AMZ1: variants seen among roughly 807,000 people sequenced by gnomAD.
AMZ1 encodes the protein archaemetzincin-1.
A neutral mutation model predicts 29.9 loss-of-function variants in AMZ1; 39 were observed. The observed-to-expected ratio is 1.30, with a 90% CI of 1.01 to 1.70. AMZ1 has a LOEUF of 1.70. Among genes scored for constraint, AMZ1 ranks in the 40% most tolerant of loss-of-function variants. The probability of loss-of-function intolerance (pLI) is 0.00; values close to 1 mark genes in which losing one functional copy is unlikely to be tolerated. For missense variants in AMZ1, 1,041 were observed against 680.6 expected (o/e 1.53, Z -5.89); for synonymous variants, 458 against 304.0 (o/e 1.51, Z -5.27).
At chr7:2,712,299 A>G (rs1360235413) in intron 6 of AMZ1, 31 bp from the exon 7 acceptor site, 2 of 1,526,588 alleles carry the variant, frequency 1.3e-6, no homozygotes, top group Admixed American at 4.1e-5. Flanking sequence ...GCTGGCACGG[A>G]GCAAACTCAG....
chr7:2,698,312 C>T (rs1007685151), intron 1 of AMZ1, among the ~76,000 whole-genome samples: 4 of 152,078 alleles, frequency 2.6e-5, no homozygotes, highest in Non-Finnish European at 4.4e-5. Flanking sequence ...CAGAGGCAGT[C>T]GGATCACTTG....
At chr7:2,734,215 A>C (rs1790043842) in intron 4 of AMZ1, among the ~76,000 whole-genome samples, 1 of 152,228 alleles carries the variant, frequency 6.6e-6, no homozygotes, top group Admixed American at 6.5e-5. Flanking sequence ...TGCGAGGCAC[A>C]CACGGGGCAC....
intron 4 of AMZ1, among the ~76,000 whole-genome samples, chr7:2,742,625 A>C (rs1033002808): frequency 3.3e-5 from 5 of 152,176 alleles, no homozygotes; most frequent in Non-Finnish European, 7.3e-5. Flanking sequence ...TATTAGTTCT[A>C]AAGTCAGCTG....
rs1487676224 is a variant in AMZ1 at position 2,717,513 on chromosome 7, TCTAG to T, written c.*4638_*4641del. Among the ~76,000 whole-genome samples, 2 of 152,144 alleles carry T rather than the reference TCTAG, an allele frequency of 1.3e-5. No individual in the cohort carries two copies. The highest frequency in any genetic ancestry group is 4.8e-5 in the African/African-American group (2 of 41,434). On this transcript the variant is annotated 3_prime_UTR_variant, in exon 7 of 7. Transcript: ENST00000683327. ...CACGCAGGCTGCTCCAGAGCTGAAATCTAGCTGTGATCCCTGTGGGGCAACTGCA... is the reference window on the plus strand; with the variant it reads ...CACGCAGGCTGCTCCAGAGCTGAAATCTGTGATCCCTGTGGGGCAACTGCA...
At chr7:2,763,054 G>A (rs984211809), upstream of AMZ1, 9 of 1,246,376 alleles carry the variant, frequency 7.2e-6, no homozygotes, top group Admixed American at 3.4e-4. Context: ...GTTCCTCCAG[G>A]ACGCAGACCG....
chr7:2,680,218 G>A (rs1274036596), intron 1 of AMZ1, among the ~76,000 whole-genome samples: 1 of 152,160 alleles, frequency 6.6e-6, no homozygotes, highest in Non-Finnish European at 1.5e-5. Context: ...TCCTGGGATG[G>A]GAGGCGCTGA....
chr7:2,706,955 G>T (rs1788388939), intron 3 of AMZ1, among the ~76,000 whole-genome samples: 1 of 152,144 alleles, frequency 6.6e-6, no homozygotes, highest in Non-Finnish European at 1.5e-5. Flanking sequence ...CTCCAGCCTG[G>T]GTGACAGAAT....
chr7:2,749,100 T>C (rs991989131), intron 4 of AMZ1, among the ~76,000 whole-genome samples: 3 of 152,212 alleles, frequency 2.0e-5, no homozygotes, highest in Admixed American at 6.5e-5. Context: ...GAAGTCAGTG[T>C]GGCGATTCCT....
rs1408562556 is a variant in AMZ1, at chr7:2,718,924, G to T, written c.*6046G>T. ...CTTTTCTCAGGGTCGCTTAACACAG[G>T]CAGGGGTACAGGAGAGCTCCGGCCA... On this transcript the variant is annotated 3_prime_UTR_variant, in exon 7 of 7. Coordinates refer to ENST00000683327, the MANE Select transcript of AMZ1 (RefSeq NM_001384743.1). 6.6e-6 allele frequency among the ~76,000 whole-genome samples: 1 copy of T among 152,188 alleles called. No individual in the cohort carries two copies. The highest frequency in any genetic ancestry group is 6.5e-5 in the Admixed American group (1 of 15,282).
intron 4 of AMZ1, among the ~76,000 whole-genome samples, chr7:2,745,425 CAT>C (rs1332850318): frequency 2.6e-5 from 4 of 152,148 alleles, no homozygotes; most frequent in African/African-American, 9.7e-5. Context: ...AACTAAGCTT[CAT>C]AAGTGAAGGA....
downstream of AMZ1, among the ~76,000 whole-genome samples, chr7:2,723,313 C>T (rs184433102): frequency 1.2e-4 from 19 of 152,298 alleles, no homozygotes; most frequent in South Asian, 4.1e-4. Context: ...AACATGCACC[C>T]GGGTGCATCC....
At chr7:2,683,594 C>CG (rs1786964168), upstream of AMZ1, among the ~76,000 whole-genome samples, 2 of 152,060 alleles carry the variant, frequency 1.3e-5, no homozygotes, top group South Asian at 4.1e-4. Context: ...CCTGCCACCA[C>CG]GCCTGGCTAA....
rs1463004627 is a variant in AMZ1 at position 2,712,856 on chromosome 7, C to T, written c.1475C>T (p.Pro492Leu). Reference protein sequence around the residue: ...KLARAESAPRPWDGEES With the variant: ...KLARAESAPRLWDGEES The stretch of plus-strand genomic sequence containing the variant: ...GCCAGAGCAGAGTCGGCCCCCCGTC[C>T]CTGGGATGGGGAAGAGAGTTAGTAC... Residue 492 changes from proline (P) to leucine (L), a missense_variant, in exon 7 of 7, where the codon CCC (proline) becomes CTC (leucine). Coordinates refer to ENST00000683327, the MANE Select transcript of AMZ1 (RefSeq NM_001384743.1). 6.6e-7 allele frequency: 1 copy of T among 1,523,468 alleles called. No homozygotes were observed. The highest frequency in any genetic ancestry group is 8.8e-7 in the Non-Finnish European group (1 of 1,135,578). 94.4% of individuals were successfully genotyped at this position (1,523,468 alleles called of 1,614,324 possible). A position where few individuals can be genotyped will look rare whatever the true frequency, so the allele number is the denominator to read the frequency against.
In AMZ1 at chr7:2,718,078, G is replaced by C. The variant is rs1001898614; in HGVS notation, c.*5200G>C. Among the ~76,000 whole-genome samples the C allele has an allele frequency of 2.6e-5, 4 of 152,164 alleles. No homozygotes were observed. The highest frequency in any genetic ancestry group is 9.7e-5 in the African/African-American group (4 of 41,422). ...CCTGCCCTCTCTGAGAGGGGCCCGA[G>C]CTCTCGCAAGATTAACCAGAGACGA... is the stretch of plus-strand genomic sequence containing the variant. On this transcript the variant is annotated 3_prime_UTR_variant, in exon 7 of 7. Coordinates refer to ENST00000683327, the MANE Select transcript of AMZ1 (RefSeq NM_001384743.1).
At chr7:2,756,962 T>G (rs1791327413) in intron 4 of AMZ1, among the ~76,000 whole-genome samples, 1 of 152,034 alleles carries the variant, frequency 6.6e-6, no homozygotes, top group African/African-American at 2.4e-5. Context: ...TAGTTCCAGC[T>G]ACTCAGGAGG....
intron 1 of AMZ1, among the ~76,000 whole-genome samples, chr7:2,691,505 G>C (rs1787383970): frequency 6.7e-6 from 1 of 148,754 alleles, no homozygotes; most frequent in Admixed American, 6.6e-5. Flanking sequence ...CACTTCGGGA[G>C]GCCGAGGCGG....
Position 2,712,808 on chromosome 7 carries a change from G to A in AMZ1, c.1427G>A (p.Arg476Lys), listed in dbSNP as rs777014492. The A allele has an allele frequency of 1.9e-6, 3 of 1,542,022 alleles. No individual in the cohort carries two copies. The highest frequency in any genetic ancestry group is 2.6e-6 in the Non-Finnish European group (3 of 1,142,916). The change falls in exon 7 of 7, where the codon AGG becomes AAG. Residue 476 changes from arginine to lysine, a missense_variant. Coordinates refer to ENST00000683327, the MANE Select transcript of AMZ1 (RefSeq NM_001384743.1). The stretch of plus-strand genomic sequence containing the variant: ...GGGGACAAGTTCTCCTCCCTGAGGA[G>A]GAAGCTGAGTGCCCGAAAACTCGCC... ...VLGDKFSSLR[R>K]KLSARKLARA...
intron 6 of AMZ1, 148 bp downstream of exon 6, chr7:2,709,964 G>C (rs1473088508): frequency 1.8e-6 from 2 of 1,127,458 alleles, no homozygotes; most frequent in Admixed American, 2.7e-5. Flanking sequence ...TGGGACCTGC[G>C]CTGGGGTTGA....
At chr7:2,689,903 G>A (rs1303530914) in intron 1 of AMZ1, among the ~76,000 whole-genome samples, 1 of 152,200 alleles carries the variant, frequency 6.6e-6, no homozygotes, top group Non-Finnish European at 1.5e-5. Flanking sequence ...TACCCCCAGG[G>A]CTCACATGCA....
Sources: allele counts gnomAD v4.1 joint callset (sites outside exome capture counted in the v4.1 genomes callset), GRCh38; gene constraint gnomAD v4.1.1; transcripts MANE v1.5; gene names NCBI Gene and HGNC (gene_info 2026-07-23, HGNC 2026-07-21).